The following NECAB1 variants were observed in gnomAD, a reference collection of about 807,000 sequenced individuals.
The protein encoded by NECAB1 is N-terminal EF-hand calcium binding protein 1, also known as N-terminal EF-hand calcium-binding protein 1.
In NECAB1, 29 loss-of-function variants were observed where a neutral mutation model predicts 57.5. The ratio of observed to expected loss-of-function variants is 0.50; its 90% CI spans 0.38 to 0.69. NECAB1 has a LOEUF of 0.69. Ranked by LOEUF, NECAB1 falls within the 30% of genes least tolerant of loss-of-function variation. The probability of loss-of-function intolerance (pLI) is 0.00; values close to 1 mark genes in which losing one functional copy is unlikely to be tolerated. For synonymous variants in NECAB1, 142 were observed against 147.7 expected, an observed-to-expected ratio of 0.96 and a Z score of 0.28; for missense variants, 372 against 413.8, an observed-to-expected ratio of 0.90 and a Z score of 0.88.
At chr8:90,844,815 G>A (rs952707493) in intron 3 of NECAB1, among the ~76,000 whole-genome samples, 1 of 152,158 alleles carries the variant, frequency 6.6e-6, no homozygotes, top group Non-Finnish European at 1.5e-5. Context: ...TCTTACACCT[G>A]GGTCTAGACT....
chr8:90,954,024 G>A (rs1346083682), intron 12 of NECAB1, among the ~76,000 whole-genome samples: 8 of 151,718 alleles, frequency 5.3e-5, no homozygotes, highest in African/African-American at 1.7e-4. Flanking sequence ...AACTGAGTTC[G>A]TGCCAGTGCA....
At chr8:90,929,245 A>G (rs1053554798) in intron 8 of NECAB1, among the ~76,000 whole-genome samples, 1 of 152,204 alleles carries the variant, frequency 6.6e-6, no homozygotes, top group African/African-American at 2.4e-5. Flanking sequence ...TGATGGGTTG[A>G]TCACTGTGAC....
chr8:90,857,119 G>C lies in NECAB1; in HGVS notation c.234-15009G>C, dbSNP rs956104600. Among the ~76,000 whole-genome samples, 3 of 151,834 alleles carry C rather than the reference G, an allele frequency of 2.0e-5. No homozygotes were observed. In the South Asian group the frequency reaches 6.3e-4, roughly 32 times the overall value. On this transcript the variant is annotated intron_variant, in intron 3 of 12. Transcript: ENST00000417640. ...AATTTTTACTTTTTTTTCAGAGCAG[G>C]AGTGGAGGTTTATTTAAAAAGGCTT...
At chr8:90,829,408 A>G (rs1812270044) in intron 3 of NECAB1, among the ~76,000 whole-genome samples, 1 of 152,036 alleles carries the variant, frequency 6.6e-6, no homozygotes, top group African/African-American at 2.4e-5. Flanking sequence ...TTGTGATGTT[A>G]ATTATAGTAG....
At chr8:90,886,966 TTA>T (rs1351635752) in intron 5 of NECAB1, among the ~76,000 whole-genome samples, 1 of 152,194 alleles carries the variant, frequency 6.6e-6, no homozygotes, top group Non-Finnish European at 1.5e-5. Context: ...CATATATATT[TTA>T]TATTTTTGTT....
intron 3 of NECAB1, among the ~76,000 whole-genome samples, chr8:90,862,996 C>T (rs1268574535): frequency 6.6e-6 from 1 of 152,030 alleles, no homozygotes; most frequent in East Asian, 1.9e-4. Context: ...GCAAAATCTT[C>T]CCCTTCCAGT....
chr8:90,803,463 C>G (rs981864670), intron 2 of NECAB1, among the ~76,000 whole-genome samples: 2 of 152,150 alleles, frequency 1.3e-5, no homozygotes, highest in African/African-American at 4.8e-5. Context: ...CCACCCTTAC[C>G]TTTGTATGTA....
At chr8:90,880,941 A>T in intron 4 of NECAB1, 92 bp from the exon 5 acceptor site, 1 of 846,704 alleles carries the variant, frequency 1.2e-6, no homozygotes, top group Non-Finnish European at 1.9e-6. Context: ...ATTTTGTTTT[A>T]CTCATTTAAG....
intron 9 of NECAB1, among the ~76,000 whole-genome samples, chr8:90,935,269 A>G (rs1810508598): frequency 6.6e-6 from 1 of 152,180 alleles, no homozygotes; most frequent in Non-Finnish European, 1.5e-5. Context: ...CATCTGTCCA[A>G]ACTCATAATC....
At position 90,818,382 on chromosome 8, in the gene NECAB1, T is replaced by C. The variant is rs1388108601; in HGVS notation, c.125-6335T>C. 5.3e-5 allele frequency among the ~76,000 whole-genome samples: 8 copies of C among 152,178 alleles called. No individual in the cohort carries two copies. The East Asian group carries it at 1.2e-3, about 22-fold the overall frequency. On this transcript the variant is annotated intron_variant, in intron 2 of 12. Coordinates refer to ENST00000417640, the MANE Select transcript of NECAB1 (RefSeq NM_022351.5). ...GTGTCCTAAAGTTGAAGCTCAGATA[T>C]TGATTTTGGTTCTTTCTTCTTTTAA... is the stretch of plus-strand genomic sequence containing the variant.
intron 3 of NECAB1, among the ~76,000 whole-genome samples, chr8:90,860,102 A>T (rs933049513): frequency 6.6e-6 from 1 of 152,148 alleles, no homozygotes; most frequent in African/African-American, 2.4e-5. Context: ...AATTGTTCTC[A>T]ACTTTTCGTG....
intron 1 of NECAB1, among the ~76,000 whole-genome samples, chr8:90,796,903 T>G (rs554475519): frequency 6.6e-6 from 1 of 152,368 alleles, no homozygotes; most frequent in South Asian, 2.1e-4. Flanking sequence ...TAAATGCTAC[T>G]TGAGATTGTT....
chr8:90,850,281 G>A (rs1332230010), intron 3 of NECAB1, among the ~76,000 whole-genome samples: 1 of 152,188 alleles, frequency 6.6e-6, no homozygotes, highest in Admixed American at 6.5e-5. Context: ...AAGTTGCTGT[G>A]GAAGAAGAAA....
chr8:90,794,554 A>G (rs966713917), intron 1 of NECAB1, among the ~76,000 whole-genome samples: 1 of 152,180 alleles, frequency 6.6e-6, no homozygotes, highest in Admixed American at 6.5e-5. Context: ...TACTGAGAAC[A>G]CTATTAATGA....
intron 5 of NECAB1, among the ~76,000 whole-genome samples, chr8:90,887,031 T>C (rs977207612): frequency 6.6e-6 from 1 of 152,232 alleles, no homozygotes; most frequent in Non-Finnish European, 1.5e-5. Context: ...TGGTGGTATA[T>C]TGGAAAATGA....
intron 2 of NECAB1, among the ~76,000 whole-genome samples, chr8:90,811,761 T>C (rs7012165): frequency 0.53 from 80,621 of 151,918 alleles, 25,019 homozygotes; most frequent in East Asian, 0.85. Flanking sequence ...ATCAAGGTGG[T>C]GAGATAGTAC....
At chr8:90,903,175 C>G (rs1809549922) in intron 5 of NECAB1, among the ~76,000 whole-genome samples, 2 of 151,156 alleles carry the variant, frequency 1.3e-5, no homozygotes, top group African/African-American at 4.9e-5. Context: ...ATTTATATAC[C>G]ATAAAATTAA....
chr8:90,875,653 G>A (rs1305464076), intron 4 of NECAB1, among the ~76,000 whole-genome samples: 1 of 151,550 alleles, frequency 6.6e-6, no homozygotes, highest in Non-Finnish European at 1.5e-5. Flanking sequence ...CTAGTCGGGT[G>A]TTATCTACAA....
intron 3 of NECAB1, among the ~76,000 whole-genome samples, chr8:90,850,024 TCAAA>T (rs1369018473): frequency 6.6e-6 from 1 of 152,202 alleles, no homozygotes; most frequent in African/African-American, 2.4e-5. Context: ...ATATACTCTG[TCAAA>T]CAGAGTAGTC....
Sources: allele counts gnomAD v4.1 joint callset (sites outside exome capture counted in the v4.1 genomes callset), GRCh38; gene constraint gnomAD v4.1.1; transcripts MANE v1.5; gene names NCBI Gene and HGNC (gene_info 2026-07-23, HGNC 2026-07-21).